CNMD: variants seen among roughly 807,000 people sequenced by gnomAD.
CNMD encodes the protein leukocyte cell-derived chemotaxin 1.
A neutral mutation model predicts 37.5 loss-of-function variants in CNMD; 30 were observed. The ratio of observed to expected loss-of-function variants is 0.80; its 90% CI spans 0.60 to 1.09. The LOEUF (loss-of-function observed/expected upper bound fraction) is 1.09. Ranked by LOEUF, CNMD falls within the 50% of genes least tolerant of loss-of-function variation. The pLI, the probability that CNMD is intolerant of heterozygous loss-of-function variation, is 0.00. For synonymous variants in CNMD, 167 were observed against 148.2 expected (o/e 1.13, Z -0.92); for missense variants, 398 against 423.9 (o/e 0.94, Z 0.54).
chr13:52,708,447 C>T, intron 6 of CNMD, 89 bp downstream of exon 6: 1 of 1,217,870 alleles, frequency 8.2e-7, no homozygotes, highest in Non-Finnish European at 1.1e-6. Context: ...TCCCAAAGTG[C>T]TAGGATTACA....
chr13:52,713,120 G>A (rs913192088), intron 4 of CNMD, among the ~76,000 whole-genome samples: 1 of 152,128 alleles, frequency 6.6e-6, no homozygotes, highest in African/African-American at 2.4e-5. Flanking sequence ...GCCCTGAGTT[G>A]AAGTGAAAAT....
intron 5 of CNMD, among the ~76,000 whole-genome samples, chr13:52,712,380 A>G (rs531961724): frequency 2.0e-5 from 3 of 146,996 alleles, no homozygotes; most frequent in Non-Finnish European, 4.4e-5. Context: ...CCTTAGAAAT[A>G]AAAAAAATGT....
intron 3 of CNMD, among the ~76,000 whole-genome samples, chr13:52,731,148 A>G (rs139549661): frequency 2.0e-5 from 3 of 152,240 alleles, no homozygotes; most frequent in South Asian, 2.1e-4. Context: ...TCATCACTAC[A>G]TCTGCAAGAC....
chr13:52,712,659 C>G (rs1014664685), intron 5 of CNMD, 57 bp downstream of exon 5: 32 of 1,225,374 alleles, frequency 2.6e-5, no homozygotes, highest in Non-Finnish European at 3.4e-5. Flanking sequence ...GTTGGAGGAA[C>G]CTCACATGCA....
At chr13:52,722,565 G>A (rs1233473474) in intron 4 of CNMD, among the ~76,000 whole-genome samples, 1 of 152,176 alleles carries the variant, frequency 6.6e-6, no homozygotes, top group Non-Finnish European at 1.5e-5. Flanking sequence ...GGGAGTATGA[G>A]AGCTGAGATG....
chr13:52,715,763 T>G (rs1964367263), intron 4 of CNMD, among the ~76,000 whole-genome samples: 1 of 152,244 alleles, frequency 6.6e-6, no homozygotes, highest in Non-Finnish European at 1.5e-5. Context: ...GATGGGCATT[T>G]GGGTTGGTTC....
At chr13:52,716,690 C>G (rs1003245325) in intron 4 of CNMD, among the ~76,000 whole-genome samples, 2 of 152,130 alleles carry the variant, frequency 1.3e-5, no homozygotes, top group African/African-American at 4.8e-5. Flanking sequence ...GGGCTCTGTT[C>G]TGTTCCATTG....
At chr13:52,713,911 G>T (rs1344564385) in intron 4 of CNMD, among the ~76,000 whole-genome samples, 1 of 152,164 alleles carries the variant, frequency 6.6e-6, no homozygotes, top group Admixed American at 6.5e-5. Context: ...ACTTTTGGTT[G>T]CCTACCCAAT....
rs757974668 is a variant in CNMD, at chr13:52,708,639, T to G, written c.686A>C (p.His229Pro). The G allele has an allele frequency of 9.9e-6, 16 of 1,613,780 alleles. No homozygotes were observed. Among genetic ancestry groups the G allele is most frequent in the Non-Finnish European group, 1.4e-5 (16 of 1,179,948 alleles). Residue 229 changes from histidine (H) to proline (P), a missense_variant, in exon 6 of 7, where the codon CAC (histidine) becomes CCC (proline). Coordinates refer to ENST00000377962, the MANE Select transcript of CNMD (RefSeq NM_007015.3). ...GCCTGGGTTGCTCCGTGGTCCACTG[T>G]GTGGTCTTTTTGTGGTAGTTGGAAC... is the stretch of plus-strand genomic sequence containing the variant. ...KIVPTTTKRP[H>P]SGPRSNPGAG...
chr13:52,705,881 A>AGGCTCTC (rs1964166287), intron 6 of CNMD, among the ~76,000 whole-genome samples: 3 of 152,216 alleles, frequency 2.0e-5, no homozygotes, highest in Non-Finnish European at 4.4e-5. Flanking sequence ...TCTCTAGGGA[A>AGGCTCTC]TAAACAGTAT....
intron 5 of CNMD, among the ~76,000 whole-genome samples, chr13:52,711,920 A>G (rs1964295508): frequency 7.0e-6 from 1 of 143,174 alleles, no homozygotes; most frequent in Non-Finnish European, 1.5e-5. Context: ...AAAGGCCTAT[A>G]TTTTCTTTAT....
intron 2 of CNMD, among the ~76,000 whole-genome samples, chr13:52,736,553 T>A (rs1964769162): frequency 6.6e-6 from 1 of 152,184 alleles, no homozygotes; most frequent in South Asian, 2.1e-4. Context: ...CATACTAGAC[T>A]CTGAGCTGGG....
At chr13:52,707,554 G>A (rs950646936) in intron 6 of CNMD, among the ~76,000 whole-genome samples, 1 of 152,194 alleles carries the variant, frequency 6.6e-6, no homozygotes, top group Non-Finnish European at 1.5e-5. Flanking sequence ...GAAAGAGCAG[G>A]TGCCTAAATG....
At position 52,703,783 on chromosome 13, in the gene CNMD, C is replaced by T. The variant is rs750358389; in HGVS notation, c.817G>A (p.Asp273Asn). ...HQQEGESMTF[D>N]PRLDHEGICC... ...ATTCCTTCGTGATCCAGTCTAGGGT[C>T]GAATGTCATGCTTTCCCCTTCCTGC... is the stretch of plus-strand genomic sequence containing the variant. Residue 273 changes from aspartate (D) to asparagine (N), a missense_variant, in exon 7 of 7, where the codon GAC (aspartate) becomes AAC (asparagine). Asp to Asn is a conservative substitution (Grantham distance 23, BLOSUM62 1). Transcript: ENST00000377962. 13 of 1,612,346 alleles carry T rather than the reference C, an allele frequency of 8.1e-6. No individual in the cohort carries two copies. In the East Asian group the frequency reaches 1.8e-4, roughly 22 times the overall value.
Position 52,703,551 on chromosome 13 carries a change from T to C in CNMD, c.*44A>G, listed in dbSNP as rs1964120815. ...GCCTTAATGCTTCTTTGGTTGTCTC[T>C]TCAGCTAGTTCTTATTTTACAGCAC... On this transcript the variant is annotated 3_prime_UTR_variant, in exon 7 of 7. Transcript: ENST00000377962. 2.9e-6 allele frequency: 4 copies of C among 1,391,064 alleles called. No individual in the cohort carries two copies. Among genetic ancestry groups the C allele is most frequent in the Non-Finnish European group, 4.1e-6 (4 of 983,282 alleles). 86.2% of individuals were successfully genotyped at this position (1,391,064 alleles called of 1,614,324 possible).
intron 4 of CNMD, among the ~76,000 whole-genome samples, chr13:52,715,179 G>GT (rs1964351463): frequency 6.6e-6 from 1 of 151,908 alleles, no homozygotes. Context: ...ATGTATAATT[G>GT]TTTTTTACTA....
chr13:52,734,500 G>C (rs758666783), intron 2 of CNMD, among the ~76,000 whole-genome samples: 2 of 152,124 alleles, frequency 1.3e-5, no homozygotes, highest in Non-Finnish European at 2.9e-5. Context: ...AAATAACTCA[G>C]ACGCTGCTCC....
intron 3 of CNMD, 92 bp from the exon 4 acceptor site, chr13:52,724,202 G>T: frequency 2.2e-6 from 2 of 918,278 alleles, no homozygotes; most frequent in Non-Finnish European, 3.5e-6. Flanking sequence ...TGTTCCGGGT[G>T]CTAGGGATAG....
chr13:52,732,972 A>T, intron 3 of CNMD: 1 of 519,518 alleles, frequency 1.9e-6, no homozygotes, highest in East Asian at 3.4e-5. Flanking sequence ...GAATTCAGTA[A>T]AGGTGGTTCT....
Sources: gnomAD v4.1 joint callset for allele counts (sites outside exome capture counted in the v4.1 genomes callset) on GRCh38, gnomAD v4.1.1 for gene constraint, MANE v1.5 for transcripts, NCBI Gene and HGNC (gene_info 2026-07-23, HGNC 2026-07-21) for gene names.